Variants in MAML3 observed in about 807,000 individuals in gnomAD.
MAML3 encodes the protein mastermind-like protein 3.
MAML3 carries 27 observed loss-of-function variants against 101.9 expected under a neutral mutation model. That is an observed-to-expected ratio of 0.27 (90% CI 0.20 to 0.37). MAML3 has a LOEUF of 0.37. Ranked by LOEUF, MAML3 falls within the 10% of genes least tolerant of loss-of-function variation. The pLI is 1.00. For synonymous variants in MAML3, 501 were observed against 555.9 expected, an observed-to-expected ratio of 0.90 and a Z score of 1.39; for missense variants, 1,316 against 1,444.9, an observed-to-expected ratio of 0.91 and a Z score of 1.45.
chr4:140,057,131 C>T (rs1193877629), intron 1 of MAML3, among the ~76,000 whole-genome samples: 1 of 152,170 alleles, frequency 6.6e-6, no homozygotes, highest in Non-Finnish European at 1.5e-5. Context: ...TAAAAATTAG[C>T]CAGGTGGGAT....
intron 1 of MAML3, among the ~76,000 whole-genome samples, chr4:139,905,931 G>C (rs1303191333): frequency 6.6e-6 from 1 of 152,148 alleles, no homozygotes; most frequent in Non-Finnish European, 1.5e-5. Flanking sequence ...AAATGAATCT[G>C]AGAGGACACA....
At chr4:140,021,139 A>C (rs1310264616) in intron 1 of MAML3, among the ~76,000 whole-genome samples, 1 of 152,218 alleles carries the variant, frequency 6.6e-6, no homozygotes, top group African/African-American at 2.4e-5. Flanking sequence ...TATGAAATAA[A>C]ACAACTGTAC....
intron 2 of MAML3, among the ~76,000 whole-genome samples, chr4:139,825,043 C>T (rs1731038846): frequency 6.6e-6 from 1 of 152,116 alleles, no homozygotes; most frequent in African/African-American, 2.4e-5. Context: ...CCTGCAGCAC[C>T]CCGCCCCCTT....
intron 1 of MAML3, among the ~76,000 whole-genome samples, chr4:140,091,002 G>A (rs1023810022): frequency 1.3e-5 from 2 of 152,014 alleles, no homozygotes; most frequent in African/African-American, 4.8e-5. Flanking sequence ...GTAAGCCAAG[G>A]TTGCGCCACT....
At chr4:140,030,238 C>A (rs184537515) in intron 1 of MAML3, among the ~76,000 whole-genome samples, 1 of 152,172 alleles carries the variant, frequency 6.6e-6, no homozygotes, top group African/African-American at 2.4e-5. Context: ...ACCGATCACA[C>A]GTCAGTGACT....
intron 2 of MAML3, among the ~76,000 whole-genome samples, chr4:139,776,065 A>G (rs945048542): frequency 3.9e-5 from 6 of 152,266 alleles, no homozygotes; most frequent in African/African-American, 1.4e-4. Context: ...ATAGCATGCC[A>G]AATCAGAATG....
rs1208947090 is a variant in MAML3, at chr4:139,822,061, AATCATCATCACC to A, written c.2079+67284_2079+67295del. 5.3e-5 allele frequency among the ~76,000 whole-genome samples: 8 copies of A among 152,198 alleles called. No individual in the cohort carries two copies. The South Asian group carries it at 6.3e-4, about 12-fold the overall frequency. ...TGGTAAAGCAATTGGAAGTCAGGAT[AATCATCATCACC>A]ATCATCATCACCATTACTACCATCA... On this transcript the variant is annotated intron_variant, in intron 2 of 4. Coordinates refer to ENST00000509479, the MANE Select transcript of MAML3 (RefSeq NM_018717.5).
chr4:139,954,646 C>T (rs573196667), intron 1 of MAML3, among the ~76,000 whole-genome samples: 2 of 152,244 alleles, frequency 1.3e-5, no homozygotes, highest in African/African-American at 2.4e-5. Flanking sequence ...CTTTATGGAA[C>T]GGGGGTGGAT....
chr4:139,741,080 C>T lies in MAML3; in HGVS notation c.2080-10413G>A, dbSNP rs146302628. On this transcript the variant is annotated intron_variant, in intron 2 of 4. Transcript: ENST00000509479. ...GGAGGGCTACCCTTTTCCCCACCCT[C>T]GGCCCCCATTCCTATGAGTAGAAGC... 2.1e-3 allele frequency among the ~76,000 whole-genome samples: 313 copies of T among 152,314 alleles called. 1 individual carries two copies. Among genetic ancestry groups the T allele is most frequent in the African/African-American group, 7.1e-3 (295 of 41,560 alleles).
chr4:139,950,077 G>C (rs1560846418), intron 1 of MAML3, among the ~76,000 whole-genome samples: 1 of 152,136 alleles, frequency 6.6e-6, no homozygotes, highest in Non-Finnish European at 1.5e-5. Flanking sequence ...GTCTTGATCT[G>C]TTGCCCAGGC....
chr4:140,019,980 G>A (rs551439026), intron 1 of MAML3, among the ~76,000 whole-genome samples: 62 of 152,294 alleles, frequency 4.1e-4, no homozygotes, highest in African/African-American at 1.4e-3. Flanking sequence ...TGGAACACCA[G>A]TTCTGAGGGA....
intron 1 of MAML3, among the ~76,000 whole-genome samples, chr4:139,971,172 A>C (rs1734228795): frequency 6.6e-6 from 1 of 151,502 alleles, no homozygotes; most frequent in South Asian, 2.1e-4. Context: ...AACTCTTCTC[A>C]CTGAGTTATC....
chr4:139,889,110 T>C (rs1260245574), intron 2 of MAML3: 4 of 738,016 alleles, frequency 5.4e-6, no homozygotes, highest in Admixed American at 1.9e-5. Flanking sequence ...TTATCTGCAG[T>C]TGGGAATAAA....
At chr4:139,819,166 T>C (rs1730935624) in intron 2 of MAML3, among the ~76,000 whole-genome samples, 2 of 152,248 alleles carry the variant, frequency 1.3e-5, no homozygotes, top group South Asian at 2.1e-4. Flanking sequence ...TGGTATTTGA[T>C]TGGGCCTGGA....
At position 140,058,823 on chromosome 4, in the gene MAML3, T is replaced by C. The variant is rs1727396758; in HGVS notation, c.468+94037A>G. Among the ~76,000 whole-genome samples, 6 of 152,262 alleles carry C rather than the reference T, an allele frequency of 3.9e-5. No individual in the cohort carries two copies. In the South Asian group the frequency reaches 1.2e-3, roughly 32 times the overall value. ...GGTCTAAACAAGGACCTTCATGTTA[T>C]TGGCCCAATAAGAAATCCAAACACA... On this transcript the variant is annotated intron_variant, in intron 1 of 4. Transcript: ENST00000509479.
At chr4:140,132,451 C>T (rs1399750471) in intron 1 of MAML3, among the ~76,000 whole-genome samples, 2 of 152,156 alleles carry the variant, frequency 1.3e-5, no homozygotes, top group African/African-American at 2.4e-5. Context: ...AGGAAAAAAA[C>T]GCCTTTTCTA....
At chr4:139,896,565 T>A (rs10032703) in intron 1 of MAML3, among the ~76,000 whole-genome samples, 5,317 of 151,784 alleles carry the variant, frequency 0.035, 278 homozygotes, top group African/African-American at 0.12. Context: ...CCAGCGCAAG[T>A]CCCTCATTTA....
chr4:140,125,953 T>A (rs1189477784), intron 1 of MAML3, among the ~76,000 whole-genome samples: 3 of 151,986 alleles, frequency 2.0e-5, no homozygotes, highest in Non-Finnish European at 4.4e-5. Flanking sequence ...AATTTTTGTA[T>A]TTTTAGTAGA....
intron 1 of MAML3, among the ~76,000 whole-genome samples, chr4:140,100,620 C>G (rs1728238605): frequency 2.6e-5 from 4 of 151,472 alleles, no homozygotes; most frequent in African/African-American, 7.3e-5. Context: ...AACTAAGATG[C>G]ACTTAAAATG....
Sources: gnomAD v4.1 joint callset for allele counts (sites outside exome capture counted in the v4.1 genomes callset) on GRCh38, gnomAD v4.1.1 for gene constraint, MANE v1.5 for transcripts, NCBI Gene and HGNC (gene_info 2026-07-23, HGNC 2026-07-21) for gene names.